Variants in BIRC6 observed in about 807,000 individuals in gnomAD.
BIRC6 encodes the protein baculoviral IAP repeat containing 6.
A neutral mutation model predicts 503.3 loss-of-function variants in BIRC6; 98 were observed. That is an observed-to-expected ratio of 0.19 (90% CI 0.17 to 0.23). The LOEUF (loss-of-function observed/expected upper bound fraction) is 0.23. BIRC6 is among the 10% of genes least tolerant of loss of function. The probability of loss-of-function intolerance (pLI) is 1.00; values close to 1 mark genes in which losing one functional copy is unlikely to be tolerated. For synonymous variants in BIRC6, 2,240 were observed against 2,078.7 expected (o/e 1.08, Z -2.11); for missense variants, 5,360 against 5,806.0 (o/e 0.92, Z 2.50).
At chr2:32,524,340 T>G (rs2056062748) in intron 57 of BIRC6, among the ~76,000 whole-genome samples, 1 of 152,202 alleles carries the variant, frequency 6.6e-6, no homozygotes, top group Admixed American at 6.5e-5. Flanking sequence ...AAATAAAAAT[T>G]AACAGAACAG....
chr2:32,553,634 C>G (rs1427987796), intron 65 of BIRC6, among the ~76,000 whole-genome samples: 2 of 152,006 alleles, frequency 1.3e-5, no homozygotes, highest in Non-Finnish European at 2.9e-5. Context: ...AAGTGATCCG[C>G]TCACCTCGGC....
At chr2:32,589,089 GC>G (rs2061243741) in intron 66 of BIRC6, among the ~76,000 whole-genome samples, 1 of 151,942 alleles carries the variant, frequency 6.6e-6, no homozygotes, top group Admixed American at 6.6e-5. Context: ...ACTCCAATAA[GC>G]AAAAATCGTA....
At chr2:32,468,161 T>C (rs1489234942) in intron 28 of BIRC6, 50 bp downstream of exon 28, 10 of 1,532,280 alleles carry the variant, frequency 6.5e-6, no homozygotes, top group Non-Finnish European at 8.9e-6. Context: ...GTATTTTATA[T>C]AATGTCTTGC....
chr2:32,452,720 T>C (rs775587370), intron 22 of BIRC6, among the ~76,000 whole-genome samples: 2 of 152,130 alleles, frequency 1.3e-5, no homozygotes, highest in Non-Finnish European at 2.9e-5. Context: ...GACTTACTAG[T>C]CCTTTAAATT....
At chr2:32,573,507 A>T (rs1485148499) in intron 65 of BIRC6, among the ~76,000 whole-genome samples, 1 of 152,136 alleles carries the variant, frequency 6.6e-6, no homozygotes, top group East Asian at 1.9e-4. Flanking sequence ...GTAAATGTTT[A>T]TGGAATGGCT....
intron 3 of BIRC6, among the ~76,000 whole-genome samples, chr2:32,385,553 A>G (rs887583297): frequency 6.6e-6 from 1 of 152,174 alleles, no homozygotes; most frequent in African/African-American, 2.4e-5. Flanking sequence ...TATTTGCATG[A>G]GAGGGTGTGG....
rs1306863095 is a variant in BIRC6, at chr2:32,594,005, A to G, written c.13446A>G (p.Gln4482=). 4.3e-6 allele frequency: 7 copies of G among 1,613,618 alleles called. No homozygotes were observed. Among genetic ancestry groups the G allele is most frequent in the East Asian group, 2.2e-5 (1 of 44,844 alleles). Residue 4482 remains glutamine, a synonymous_variant, in exon 67 of 74, where the codon CAA becomes CAG. Coordinates refer to ENST00000421745, the MANE Select transcript of BIRC6 (RefSeq NM_016252.4). ...EGLTLLVPDI[Q]KTAEIVYAAT... is the part of the protein sequence containing the mutation. ...TTACTCTTTTGGTACCAGACATCCA[A>G]AAGACTGCTGAGATAGTTTATGCAG... is the stretch of plus-strand genomic sequence containing the variant.
At chr2:32,517,448 C>T (rs1226420543) in intron 55 of BIRC6, among the ~76,000 whole-genome samples, 1 of 152,160 alleles carries the variant, frequency 6.6e-6, no homozygotes, top group African/African-American at 2.4e-5. Flanking sequence ...AAAGGAAATG[C>T]TTAAATTACC....
rs146596881 is a variant in BIRC6, at chr2:32,487,603, C to T, written c.7814-44C>T. Reference sequence around the variant, plus strand: ...ATATGAATAACCAGTTAACACATATCCTGATACTTTATGTATAAAATTATA... The same window carrying T: ...ATATGAATAACCAGTTAACACATATTCTGATACTTTATGTATAAAATTATA... On this transcript the variant is annotated intron_variant, in intron 40 of 73. Coordinates refer to ENST00000421745, the MANE Select transcript of BIRC6 (RefSeq NM_016252.4). 13,682 of 1,561,028 alleles carry T rather than the reference C, an allele frequency of 8.8e-3. 80 individuals are homozygous for T. Among genetic ancestry groups the T allele is most frequent in the Non-Finnish European group, 0.011 (12,092 of 1,134,026 alleles).
At chr2:32,592,506 G>C (rs1339546459) in intron 66 of BIRC6, among the ~76,000 whole-genome samples, 1 of 152,142 alleles carries the variant, frequency 6.6e-6, no homozygotes, top group South Asian at 2.1e-4. Flanking sequence ...TTGAGTTAAG[G>C]ATTGAATAGC....
At chr2:32,455,296 C>T (rs1029320648) in intron 23 of BIRC6, among the ~76,000 whole-genome samples, 5 of 146,800 alleles carry the variant, frequency 3.4e-5, no homozygotes, top group Non-Finnish European at 7.4e-5. Flanking sequence ...AGGAGAATGG[C>T]GTGAACGTGA....
chr2:32,515,812 A>G, intron 55 of BIRC6, 42 bp downstream of exon 55: 7 of 1,518,348 alleles, frequency 4.6e-6, no homozygotes, highest in Non-Finnish European at 6.2e-6. Flanking sequence ...GTTTTATTAC[A>G]TAAGAAAGGG....
chr2:32,503,899 A>C (rs2053484454), intron 49 of BIRC6, among the ~76,000 whole-genome samples: 1 of 151,008 alleles, frequency 6.6e-6, no homozygotes, highest in South Asian at 2.1e-4. Context: ...GTTTTGAGAG[A>C]GTCTCACTCT....
At chr2:32,465,012 G>A (rs1020017353) in intron 25 of BIRC6, 53 bp from the exon 26 acceptor site, 31 of 1,334,572 alleles carry the variant, frequency 2.3e-5, no homozygotes, top group Non-Finnish European at 2.7e-5. Flanking sequence ...AGTTTTTATA[G>A]AACTATAGTA....
chr2:32,604,266 C>A (rs1323798818), intron 71 of BIRC6, among the ~76,000 whole-genome samples: 1 of 151,988 alleles, frequency 6.6e-6, no homozygotes, highest in African/African-American at 2.4e-5. Flanking sequence ...TTTCTCAGGC[C>A]TAAAGTTTTA....
chr2:32,393,420 A>G (rs1380525323), intron 5 of BIRC6, among the ~76,000 whole-genome samples: 1 of 152,220 alleles, frequency 6.6e-6, no homozygotes, highest in Non-Finnish European at 1.5e-5. Flanking sequence ...ACTGAGTGGT[A>G]TAGAGTGGCT....
At chr2:32,556,137 C>T (rs531838721) in intron 65 of BIRC6, among the ~76,000 whole-genome samples, 1 of 152,238 alleles carries the variant, frequency 6.6e-6, no homozygotes, top group South Asian at 2.1e-4. Context: ...AAGTGCTTAT[C>T]AACAAATGTT....
chr2:32,373,826 G>T (rs977741064), intron 1 of BIRC6, among the ~76,000 whole-genome samples: 2 of 152,204 alleles, frequency 1.3e-5, no homozygotes, highest in African/African-American at 4.8e-5. Flanking sequence ...TAGCCAAAAG[G>T]CAGAAGCAAC....
At chr2:32,404,584 G>C (rs1331305495) in intron 8 of BIRC6, among the ~76,000 whole-genome samples, 1 of 152,100 alleles carries the variant, frequency 6.6e-6, no homozygotes, top group Non-Finnish European at 1.5e-5. Flanking sequence ...AAAGTGCTGG[G>C]ATTATAGGTG....
Sources: allele counts gnomAD v4.1 joint callset (sites outside exome capture counted in the v4.1 genomes callset), GRCh38; gene constraint gnomAD v4.1.1; transcripts MANE v1.5; gene names NCBI Gene and HGNC (gene_info 2026-07-23, HGNC 2026-07-21).